The following CAMTA1 variants were observed in gnomAD, a reference collection of about 807,000 sequenced individuals.
The protein encoded by CAMTA1 is calmodulin binding transcription activator 1.
A neutral mutation model predicts 170.9 loss-of-function variants in CAMTA1; 27 were observed. The observed-to-expected ratio is 0.16, with a 90% CI of 0.12 to 0.22. CAMTA1 has a LOEUF of 0.22. Among genes scored for constraint, CAMTA1 ranks in the 10% least tolerant of loss-of-function variants. CAMTA1 has a pLI of 1.00. For missense variants in CAMTA1, 1,619 were observed against 2,217.2 expected, an observed-to-expected ratio of 0.73 and a Z score of 5.42; for synonymous variants, 833 against 891.5, an observed-to-expected ratio of 0.93 and a Z score of 1.17.
intron 5 of CAMTA1, among the ~76,000 whole-genome samples, chr1:7,398,179 CTCTCTCTCTCTCTCTATAT>C (rs2089506359): frequency 2.3e-5 from 1 of 43,740 alleles, no homozygotes; most frequent in African/African-American, 9.1e-5. Flanking sequence ...CTCTCTCTCT[CTCTCTCTCTCTCTCTATAT>C]ATATATATAT....
At chr1:7,051,073 C>T (rs1487352637) in intron 3 of CAMTA1, among the ~76,000 whole-genome samples, 2 of 152,158 alleles carry the variant, frequency 1.3e-5, no homozygotes, top group Non-Finnish European at 2.9e-5. Context: ...TGAGGCGCTG[C>T]GGCAAGGTGC....
intron 1 of CAMTA1, among the ~76,000 whole-genome samples, chr1:6,803,184 A>C (rs963377784): frequency 5.5e-4 from 83 of 152,222 alleles, no homozygotes; most frequent in African/African-American, 1.8e-3. Context: ...GGTCTTCCAC[A>C]GTTCAGCTAT....
intron 3 of CAMTA1, among the ~76,000 whole-genome samples, chr1:6,981,949 TA>T (rs999881175): frequency 4.6e-5 from 7 of 152,130 alleles, no homozygotes; most frequent in African/African-American, 1.7e-4. Context: ...AGGCCTCTCT[TA>T]AACTCCTGGG....
At chr1:7,542,838 A>T (rs1188077162) in intron 6 of CAMTA1, among the ~76,000 whole-genome samples, 1 of 56,002 alleles carries the variant, frequency 1.8e-5, no homozygotes, top group East Asian at 3.1e-4. Flanking sequence ...CCTAAAACAC[A>T]GTGTGTGTGT....
intron 6 of CAMTA1, among the ~76,000 whole-genome samples, chr1:7,542,838 AGTGTGT>A (rs373719721): frequency 0.051 from 2,847 of 55,932 alleles, 38 homozygotes; most frequent in Non-Finnish European, 0.08. Flanking sequence ...CCTAAAACAC[AGTGTGT>A]GTGTGTGTGT....
chr1:7,533,924 A>C (rs2094520232), intron 6 of CAMTA1, among the ~76,000 whole-genome samples: 1 of 152,062 alleles, frequency 6.6e-6, no homozygotes, highest in African/African-American at 2.4e-5. Flanking sequence ...CCCAAAAAAA[A>C]ATGAAAAGAA....
chr1:7,590,324 TCAGGC>T (rs1268257699), intron 6 of CAMTA1, among the ~76,000 whole-genome samples: 1 of 152,190 alleles, frequency 6.6e-6, no homozygotes, highest in Non-Finnish European at 1.5e-5. Flanking sequence ...AAGGAAAATT[TCAGGC>T]AGATAGAGCA....
rs529529157 is a variant in CAMTA1 at position 7,044,626 on chromosome 1, C to A, written c.235-46678C>A. ...CTGAAACAGGAGACGTCCTCTCCGA[C>A]CTTGGAGACCTGGCATTTGGAGCCT... On this transcript the variant is annotated intron_variant, in intron 3 of 22. Coordinates refer to ENST00000303635, the MANE Select transcript of CAMTA1 (RefSeq NM_015215.4). This position sits in a 1 kb window ranked among gnomAD's most constrained non-coding sequence, Gnocchi z 5.0. Among the ~76,000 whole-genome samples the A allele has an allele frequency of 1.3e-5, 2 of 152,308 alleles. No individual in the cohort carries two copies. Among genetic ancestry groups the A allele is most frequent in the South Asian group, 2.1e-4 (1 of 4,822 alleles).
chr1:7,661,977 A>C (rs1576674559), intron 8 of CAMTA1, 111 bp downstream of exon 8: 2 of 1,303,638 alleles, frequency 1.5e-6, no homozygotes, highest in East Asian at 5.1e-5. Context: ...GTGAGGGAGG[A>C]GGGGGACAGT....
rs1164841741 is a variant in CAMTA1, at chr1:7,230,210, G to A, written c.303-19281G>A. ...TTGTGGCTTAATGATCCACAGCTGC[G>A]CTTTTGGTTGCCAGCGCCCTCCTGA... On this transcript the variant is annotated intron_variant, in intron 4 of 22. Coordinates refer to ENST00000303635, the MANE Select transcript of CAMTA1 (RefSeq NM_015215.4). Among the ~76,000 whole-genome samples, 3 of 152,110 alleles carry A rather than the reference G, an allele frequency of 2.0e-5. No homozygotes were observed. In the East Asian group the frequency reaches 5.8e-4, roughly 29 times the overall value.
chr1:7,099,424 A>G (rs1208273530), intron 4 of CAMTA1, among the ~76,000 whole-genome samples: 1 of 152,198 alleles, frequency 6.6e-6, no homozygotes, highest in Non-Finnish European at 1.5e-5. Flanking sequence ...AAAAACTTGT[A>G]AGAAAAGATA....
chr1:7,154,584 T>C (rs1646758096), intron 4 of CAMTA1, among the ~76,000 whole-genome samples: 1 of 152,166 alleles, frequency 6.6e-6, no homozygotes, highest in South Asian at 2.1e-4. Flanking sequence ...ATCTGTCCTG[T>C]GCGTGTGATA....
At chr1:7,391,431 C>CT (rs1385799510) in intron 5 of CAMTA1, among the ~76,000 whole-genome samples, 2 of 151,996 alleles carry the variant, frequency 1.3e-5, no homozygotes, top group Non-Finnish European at 2.9e-5. Flanking sequence ...GAAGCTGCTG[C>CT]TCAGACGGAT....
At chr1:6,789,055 C>T (rs1203366491) in intron 1 of CAMTA1, among the ~76,000 whole-genome samples, 1 of 152,184 alleles carries the variant, frequency 6.6e-6, no homozygotes, top group Non-Finnish European at 1.5e-5. Context: ...GTGACCTCTT[C>T]CTCCTTTGTC....
intron 3 of CAMTA1, among the ~76,000 whole-genome samples, chr1:7,023,181 T>C (rs1480843969): frequency 6.6e-6 from 1 of 152,238 alleles, no homozygotes; most frequent in African/African-American, 2.4e-5. Context: ...GCCTAAGCTG[T>C]ATATAGATAT....
At chr1:7,282,197 G>T (rs1280932952) in intron 5 of CAMTA1, among the ~76,000 whole-genome samples, 1 of 152,094 alleles carries the variant, frequency 6.6e-6, no homozygotes, top group African/African-American at 2.4e-5. Context: ...AACTCCAAAT[G>T]GCAATTGTCG....
In CAMTA1 at chr1:7,053,167, A is replaced by C. The variant is rs191110117; in HGVS notation, c.235-38137A>C. 6.5e-3 allele frequency among the ~76,000 whole-genome samples: 989 copies of C among 152,320 alleles called. 4 individuals are homozygous for C. The highest frequency in any genetic ancestry group is 0.017 in the Middle Eastern group (5 of 294). ...TGAACTTGACCCTGTCCCTTTGGCC[A>C]GTTCCAAGTGTTTGCCGCCGCAGCG... On this transcript the variant is annotated intron_variant, in intron 3 of 22. Coordinates refer to ENST00000303635, the MANE Select transcript of CAMTA1 (RefSeq NM_015215.4).
chr1:7,103,079 G>T (rs1271103544), intron 4 of CAMTA1, among the ~76,000 whole-genome samples: 2 of 151,956 alleles, frequency 1.3e-5, no homozygotes, highest in Non-Finnish European at 2.9e-5. Flanking sequence ...GCATGGGGTG[G>T]GGGAGGTTGG....
At chr1:7,103,766 A>G (rs1207082992) in intron 4 of CAMTA1, among the ~76,000 whole-genome samples, 4 of 151,858 alleles carry the variant, frequency 2.6e-5, no homozygotes, top group African/African-American at 7.3e-5. Context: ...ACACATGCAC[A>G]CACAACACAC....
Sources: gnomAD v4.1 joint callset for allele counts (sites outside exome capture counted in the v4.1 genomes callset) on GRCh38, gnomAD v4.1.1 for gene constraint, Gnocchi (gnomAD v3.1) non-coding constraint, MANE v1.5 for transcripts, NCBI Gene and HGNC (gene_info 2026-07-23, HGNC 2026-07-21) for gene names.